The following CUX1 variants were observed in gnomAD, a reference collection of about 807,000 sequenced individuals.
CUX1 encodes cut like homeobox 1, also known as protein CASP.
Under a neutral mutation model 158.8 loss-of-function variants are expected in CUX1, and 31 were observed. The ratio of observed to expected loss-of-function variants is 0.20; its 90% CI spans 0.15 to 0.26. The LOEUF (loss-of-function observed/expected upper bound fraction) is 0.26, where lower values mean the gene tolerates loss of function less well. Among genes scored for constraint, CUX1 ranks in the 10% least tolerant of loss-of-function variants. The pLI is 1.00. For missense variants in CUX1, 1,589 were observed against 2,014.6 expected (o/e 0.79, Z 4.04); for synonymous variants, 879 against 862.1 (o/e 1.02, Z -0.34).
At chr7:101,965,591 T>C (rs1156748200) in intron 2 of CUX1, among the ~76,000 whole-genome samples, 2 of 152,028 alleles carry the variant, frequency 1.3e-5, no homozygotes, top group African/African-American at 4.8e-5. Context: ...CTCACGCCTG[T>C]AATCCCAGCA....
Position 102,248,670 on chromosome 7 carries a change from C to G in CUX1, c.4146C>G (p.Gly1382=), listed in dbSNP as rs1285363234. The G allele has an allele frequency of 6.6e-5, 87 of 1,322,176 alleles. No homozygotes were observed. The highest frequency in any genetic ancestry group is 7.7e-5 in the Non-Finnish European group (80 of 1,036,360). 81.9% of individuals were successfully genotyped at this position (1,322,176 alleles called of 1,614,324 possible). ...QTEPPPSGTP[G]PDDARDDDHE... Reference sequence around the variant, plus strand: ...AGCCGCCGCCCTCGGGGACCCCGGGCCCGGACGACGCCCGCGACGACGACC... The same window carrying G: ...AGCCGCCGCCCTCGGGGACCCCGGGGCCGGACGACGCCCGCGACGACGACC... Residue 1382 remains glycine (G), a synonymous_variant, in exon 24 of 24, where the codon GGC becomes GGG. Transcript: ENST00000292535. The surrounding 1 kb of genome is among the most constrained non-coding windows in gnomAD (Gnocchi z 5.8).
chr7:101,963,134 C>T (rs1810717398), intron 2 of CUX1, among the ~76,000 whole-genome samples: 1 of 152,202 alleles, frequency 6.6e-6, no homozygotes, highest in Non-Finnish European at 1.5e-5. Flanking sequence ...TGCCACTTGT[C>T]ACCTTTCTCT....
chr7:101,821,371 C>T (rs1261740791), intron 1 of CUX1, among the ~76,000 whole-genome samples: 1 of 150,388 alleles, frequency 6.6e-6, no homozygotes, highest in Non-Finnish European at 1.5e-5. Flanking sequence ...CAGAGTCTCG[C>T]TCTTTCGCCC....
chr7:102,238,789 CA>C (rs1554533767), intron 22 of CUX1, among the ~76,000 whole-genome samples: 1 of 152,234 alleles, frequency 6.6e-6, no homozygotes, highest in Non-Finnish European at 1.5e-5. Flanking sequence ...TTAAGTTGTG[CA>C]GGGACAGGTG....
In CUX1 at chr7:102,242,540, C is replaced by T. The variant is rs73187856; in HGVS notation, c.3887+2956C>T. Among the ~76,000 whole-genome samples the T allele has an allele frequency of 1.5e-3, 223 of 152,274 alleles. 2 individuals are homozygous for T. Among genetic ancestry groups the T allele is most frequent in the Non-Finnish European group, 2.1e-3 (144 of 68,016 alleles). On this transcript the variant is annotated intron_variant, in intron 23 of 23. Transcript: ENST00000292535. ...TCTCTACTTTCTAGCCACAGAGATG[C>T]GTGCACTTTGAAGTCTCCTGCAATT...
At chr7:101,904,821 G>A (rs1035763333) in intron 1 of CUX1, among the ~76,000 whole-genome samples, 2 of 152,112 alleles carry the variant, frequency 1.3e-5, no homozygotes, top group South Asian at 4.1e-4. Context: ...CCCCTGCCTT[G>A]CCCTCCCAAA....
At chr7:102,235,777 G>A (rs1284686354) in intron 22 of CUX1, among the ~76,000 whole-genome samples, 9 of 10,116 alleles carry the variant, frequency 8.9e-4, no homozygotes, top group East Asian at 3.6e-3. Flanking sequence ...CCCCGTCCCC[G>A]CCACACACAC....
At chr7:101,925,844 G>T (rs1026312545) in intron 2 of CUX1, among the ~76,000 whole-genome samples, 2 of 152,028 alleles carry the variant, frequency 1.3e-5, no homozygotes, top group Non-Finnish European at 2.9e-5. Context: ...GAGGTAGGAG[G>T]GTCGCTTGAG....
downstream of CUX1, among the ~76,000 whole-genome samples, chr7:102,259,360 G>A (rs979787488): frequency 3.9e-5 from 6 of 152,224 alleles, no homozygotes; most frequent in Non-Finnish European, 7.3e-5. Context: ...GGCCGAGGCC[G>A]GTGGATCACT....
Position 102,201,748 on chromosome 7 carries a change from C to A in CUX1, c.2451C>A (p.Ser817Arg). 6.2e-7 allele frequency: 1 copy of A among 1,612,540 alleles called. No homozygotes were observed. Among genetic ancestry groups the A allele is most frequent in the Non-Finnish European group, 8.5e-7 (1 of 1,179,922 alleles). The change falls in exon 18 of 24, where the codon AGC becomes AGA. Residue 817 changes from serine (S) to arginine (R), a missense_variant. Around this residue, in one of 8 missense-constraint regions of CUX1, gnomAD observed 337 missense variants for 409.3 expected, o/e 0.82. Transcript: ENST00000292535. This position sits in a 1 kb window ranked among gnomAD's most constrained non-coding sequence, Gnocchi z 5.0. ...AGGTGAAAAATGAGGTGGGCCGCAG[C>A]GGTGCCTGGAAGGACCACTGGTGGA... Reference protein sequence around the residue: ...LRQVKNEVGRSGAWKDHWWSA... With the variant: ...LRQVKNEVGRRGAWKDHWWSA...
At chr7:102,163,014 AC>A (rs1371255914) in intron 9 of CUX1, among the ~76,000 whole-genome samples, 1 of 152,116 alleles carries the variant, frequency 6.6e-6, no homozygotes, top group Non-Finnish European at 1.5e-5. Flanking sequence ...GTCCCTTTTG[AC>A]CCTGAAGTCT....
At chr7:101,953,907 T>A (rs905929954) in intron 2 of CUX1, among the ~76,000 whole-genome samples, 1 of 152,208 alleles carries the variant, frequency 6.6e-6, no homozygotes, top group Non-Finnish European at 1.5e-5. Flanking sequence ...TAATTCTCTT[T>A]ATGGGCAGCA....
chr7:102,057,938 CGAAA>C (rs1824349924), intron 3 of CUX1, among the ~76,000 whole-genome samples: 1 of 152,052 alleles, frequency 6.6e-6, no homozygotes, highest in African/African-American at 2.4e-5. Flanking sequence ...CTTGTGTTAA[CGAAA>C]GAGTCAATCA....
At chr7:102,242,591 T>C (rs1800342691) in intron 23 of CUX1, among the ~76,000 whole-genome samples, 2 of 152,246 alleles carry the variant, frequency 1.3e-5, no homozygotes, top group Admixed American at 6.5e-5. Flanking sequence ...GCATGTGTGA[T>C]AACGCTTTCT....
chr7:102,200,787 T>G (rs1795328980), intron 17 of CUX1, among the ~76,000 whole-genome samples: 1 of 151,940 alleles, frequency 6.6e-6, no homozygotes, highest in South Asian at 2.1e-4. Context: ...CCTGGCATTT[T>G]GGGAAGCTGA....
intron 1 of CUX1, among the ~76,000 whole-genome samples, chr7:101,835,158 T>C (rs1371420595): frequency 6.6e-6 from 1 of 152,108 alleles, no homozygotes; most frequent in African/African-American, 2.4e-5. Context: ...CCATTTGTCC[T>C]CCCTCCTGTA....
At chr7:102,265,957 A>C (rs1030369799) in intron 14 of CUX1, among the ~76,000 whole-genome samples, 4 of 152,102 alleles carry the variant, frequency 2.6e-5, no homozygotes, top group African/African-American at 9.7e-5. Context: ...TAATCCCAGC[A>C]CTTTGGGAGG....
chr7:101,838,994 T>G (rs934949765), intron 1 of CUX1, among the ~76,000 whole-genome samples: 2 of 152,232 alleles, frequency 1.3e-5, no homozygotes, highest in African/African-American at 4.8e-5. Flanking sequence ...TTTCCTGGCT[T>G]GCAGATGGCC....
chr7:101,952,320 G>A (rs1307049577), intron 2 of CUX1, among the ~76,000 whole-genome samples: 2 of 152,196 alleles, frequency 1.3e-5, no homozygotes, highest in East Asian at 1.9e-4. Flanking sequence ...GGTTGGAGCT[G>A]CAGTGAGCCG....
Sources: gnomAD v4.1 joint callset for allele counts (sites outside exome capture counted in the v4.1 genomes callset) on GRCh38, gnomAD v4.1.1 for gene constraint, gnomAD v4.1.1 regional missense constraint, Gnocchi (gnomAD v3.1) non-coding constraint, MANE v1.5 for transcripts, NCBI Gene and HGNC (gene_info 2026-07-23, HGNC 2026-07-21) for gene names.